Variants in ZFAT observed in about 807,000 individuals in gnomAD.
The protein encoded by ZFAT is zinc finger protein ZFAT.
Under a neutral mutation model 117.7 loss-of-function variants are expected in ZFAT, and 64 were observed. The ratio of observed to expected loss-of-function variants is 0.54; its 90% CI spans 0.44 to 0.67. The LOEUF is 0.67. Among genes scored for constraint, ZFAT ranks in the 30% least tolerant of loss-of-function variants. The pLI, the probability that ZFAT is intolerant of heterozygous loss-of-function variation, is 0.00. For missense variants in ZFAT, 1,433 were observed against 1,584.5 expected (o/e 0.90, Z 1.62); for synonymous variants, 679 against 615.0 (o/e 1.10, Z -1.54).
intron 2 of ZFAT, among the ~76,000 whole-genome samples, chr8:134,653,841 T>C (rs531287754): frequency 6.6e-6 from 1 of 152,342 alleles, no homozygotes; most frequent in Admixed American, 6.5e-5. Flanking sequence ...ATCCCATTTT[T>C]GTTTCTTATT....
chr8:134,558,712 G>A (rs976978011), intron 11 of ZFAT, among the ~76,000 whole-genome samples: 8 of 152,158 alleles, frequency 5.3e-5, no homozygotes, highest in African/African-American at 1.7e-4. Flanking sequence ...TCAAGAGATA[G>A]GGGAGGAAAC....
At chr8:134,483,395 G>C (rs1303346789) in intron 15 of ZFAT, among the ~76,000 whole-genome samples, 1 of 152,176 alleles carries the variant, frequency 6.6e-6, no homozygotes, top group South Asian at 2.1e-4. Flanking sequence ...CTGGTGTAGT[G>C]TGACAGCCAC....
the ZFAT span, among the ~76,000 whole-genome samples, chr8:134,755,434 A>C: frequency 0.038 from 5,588 of 147,042 alleles, 160 homozygotes; most frequent in Middle Eastern, 0.077. Context: ...AAAAGCTTTT[A>C]GGGTGTAAGT....
the ZFAT span, among the ~76,000 whole-genome samples, chr8:134,763,102 A>C: frequency 1.3e-5 from 2 of 152,368 alleles, no homozygotes; most frequent in East Asian, 3.9e-4. Context: ...AGTCTTCTGC[A>C]TTAGAAAGAA....
chr8:134,708,246 TTTTC>T (rs1161910409), intron 1 of ZFAT, among the ~76,000 whole-genome samples: 1 of 152,208 alleles, frequency 6.6e-6, no homozygotes, highest in Non-Finnish European at 1.5e-5. Flanking sequence ...GGAATCGTTT[TTTTC>T]TTTGAGACAT....
chr8:134,783,000 C>T, the ZFAT span, among the ~76,000 whole-genome samples: 2 of 151,944 alleles, frequency 1.3e-5, no homozygotes, highest in African/African-American at 4.8e-5. Flanking sequence ...TACACACACA[C>T]ACATTTATTT....
At chr8:134,486,988 A>G (rs1394913644) in intron 15 of ZFAT, among the ~76,000 whole-genome samples, 2 of 152,110 alleles carry the variant, frequency 1.3e-5, no homozygotes, top group Non-Finnish European at 2.9e-5. Flanking sequence ...CCATGTGTGT[A>G]TATGTACATA....
the ZFAT span, among the ~76,000 whole-genome samples, chr8:134,729,400 C>T: frequency 2.6e-5 from 4 of 152,336 alleles, no homozygotes; most frequent in South Asian, 8.3e-4. Context: ...GGCGTGATCT[C>T]AGCTCACTGC....
chr8:134,579,328 G>A (rs371529524), intron 10 of ZFAT, among the ~76,000 whole-genome samples: 5 of 152,292 alleles, frequency 3.3e-5, no homozygotes, highest in African/African-American at 9.6e-5. Flanking sequence ...GAAGTTTAAC[G>A]ATTCACAGTT....
At chr8:134,700,608 G>A (rs977707997) in intron 1 of ZFAT, among the ~76,000 whole-genome samples, 3 of 152,212 alleles carry the variant, frequency 2.0e-5, no homozygotes, top group East Asian at 3.8e-4. Context: ...GTCGGACTCC[G>A]GGCTGTGATT....
chr8:134,752,373 C>T, the ZFAT span, among the ~76,000 whole-genome samples: 1 of 152,364 alleles, frequency 6.6e-6, no homozygotes, highest in African/African-American at 2.4e-5. Context: ...CCTCACATGG[C>T]ACCCCCGCCC....
In ZFAT at chr8:134,701,366, G is replaced by A. The variant is rs534158804; in HGVS notation, c.19+11479C>T. Among the ~76,000 whole-genome samples, 3 of 152,214 alleles carry A rather than the reference G, an allele frequency of 2.0e-5. No individual in the cohort carries two copies. The South Asian group carries it at 6.2e-4, about 32-fold the overall frequency. ...GTGTCAGGTTTCCACCCTTTTTAAG[G>A]CTGAATAATACTTTATTCTATGTAT... is the stretch of plus-strand genomic sequence containing the variant. On this transcript the variant is annotated intron_variant, in intron 1 of 15. Coordinates refer to ENST00000377838, the MANE Select transcript of ZFAT (RefSeq NM_020863.4).
chr8:134,667,478 G>A (rs1832288174), intron 1 of ZFAT, among the ~76,000 whole-genome samples: 1 of 127,148 alleles, frequency 7.9e-6, no homozygotes, highest in Non-Finnish European at 1.6e-5. Context: ...GGGCGACAGA[G>A]TGAGACTAAG....
At chr8:134,548,680 C>T (rs985667712) in intron 11 of ZFAT, among the ~76,000 whole-genome samples, 1 of 152,160 alleles carries the variant, frequency 6.6e-6, no homozygotes, top group African/African-American at 2.4e-5. Context: ...GGGACTTCTC[C>T]AGCCAAATGA....
chr8:134,514,538 C>A (rs1360248606), intron 13 of ZFAT, among the ~76,000 whole-genome samples: 1 of 152,126 alleles, frequency 6.6e-6, no homozygotes, highest in Non-Finnish European at 1.5e-5. Context: ...CAGCATTTTA[C>A]AAATGGTTTC....
intron 15 of ZFAT, among the ~76,000 whole-genome samples, chr8:134,486,445 T>C (rs1282455798): frequency 1.3e-5 from 2 of 152,164 alleles, no homozygotes; most frequent in African/African-American, 4.8e-5. Flanking sequence ...ATGTTTCAAA[T>C]CCATTTTTAA....
At chr8:134,693,451 G>C (rs890749280) in intron 1 of ZFAT, among the ~76,000 whole-genome samples, 3 of 152,166 alleles carry the variant, frequency 2.0e-5, no homozygotes, top group African/African-American at 7.2e-5. Context: ...AAGGAAAAGA[G>C]AACGTTCTTC....
Position 134,602,513 on chromosome 8 carries a change from C to A in ZFAT, c.1206G>T (p.Leu402=), listed in dbSNP as rs1401310754. The change falls in exon 6 of 16, where the codon CTG becomes CTT. Residue 402 remains leucine, a synonymous_variant. Coordinates refer to ENST00000377838, the MANE Select transcript of ZFAT (RefSeq NM_020863.4). ...CLMTREGKRQ[L]LYDCHICERK... The stretch of plus-strand genomic sequence containing the variant: ...GCTCACAGATGTGGCAGTCATAGAG[C>A]AGCTGCCGCTTGCCCTCCCTCGTCA... 1 of 1,613,922 alleles carries A rather than the reference C, an allele frequency of 6.2e-7. No individual in the cohort carries two copies. The highest frequency in any genetic ancestry group is 1.7e-5 in the Admixed American group (1 of 60,032).
At chr8:134,515,009 C>T (rs2130420735) in intron 13 of ZFAT, among the ~76,000 whole-genome samples, 1 of 152,230 alleles carries the variant, frequency 6.6e-6, no homozygotes, top group East Asian at 1.9e-4. Context: ...CTCCCTGTGT[C>T]CATGTGTTCT....
Sources: gnomAD v4.1 joint callset for allele counts (sites outside exome capture counted in the v4.1 genomes callset) on GRCh38, gnomAD v4.1.1 for gene constraint, MANE v1.5 for transcripts, NCBI Gene and HGNC (gene_info 2026-07-23, HGNC 2026-07-21) for gene names.